The following FOCAD variants were observed in gnomAD, a reference collection of about 807,000 sequenced individuals.
FOCAD encodes the protein focadhesin.
Under a neutral mutation model 225.6 loss-of-function variants are expected in FOCAD, and 198 were observed. The ratio of observed to expected loss-of-function variants is 0.88; its 90% confidence interval spans 0.78 to 0.99. The LOEUF (loss-of-function observed/expected upper bound fraction) is 0.99. Ranked by LOEUF, FOCAD falls within the 50% of genes least tolerant of loss-of-function variation. FOCAD has a pLI of 0.00. For synonymous variants in FOCAD, 897 were observed against 755.0 expected (o/e 1.19, Z -3.08); for missense variants, 2,713 against 2,123.6 (o/e 1.28, Z -5.46).
intron 8 of FOCAD, among the ~76,000 whole-genome samples, chr9:20,773,010 A>G (rs1322840024): frequency 6.6e-6 from 1 of 151,672 alleles, no homozygotes; most frequent in Admixed American, 6.6e-5. Context: ...GATAAATATT[A>G]TACAGAAAGA....
chr9:20,702,321 T>G (rs34088696), intron 1 of FOCAD, among the ~76,000 whole-genome samples: 25,720 of 151,988 alleles, frequency 0.17, 2,658 homozygotes, highest in Non-Finnish European at 0.24. Flanking sequence ...CTAGGTTGAT[T>G]TCGAACCCCT....
intron 5 of FOCAD, among the ~76,000 whole-genome samples, chr9:20,751,628 G>T (rs1474637612): frequency 6.9e-6 from 1 of 144,426 alleles, no homozygotes; most frequent in Non-Finnish European, 1.5e-5. Context: ...ATGTGTGCCT[G>T]TGTCTTTATA....
chr9:20,695,403 A>G (rs1823280404), intron 1 of FOCAD, among the ~76,000 whole-genome samples: 1 of 152,202 alleles, frequency 6.6e-6, no homozygotes, highest in South Asian at 2.1e-4. Flanking sequence ...TCATTCACAA[A>G]TCAAAGTATT....
chr9:20,692,688 A>G (rs1823046476), intron 1 of FOCAD, among the ~76,000 whole-genome samples: 2 of 152,136 alleles, frequency 1.3e-5, no homozygotes, highest in South Asian at 4.1e-4. Context: ...AAACTATCTC[A>G]TGTTTATGTT....
rs1411629753 is a variant in FOCAD at position 20,874,813 on chromosome 9, T to A, written c.2317+6T>A. On this transcript the variant is annotated splice_donor_region_variant and intron_variant, in intron 19 of 43. Coordinates refer to ENST00000338382, the MANE Select transcript of FOCAD (RefSeq NM_001375567.1). ...TCCCCCTTTGGTTTTACCAGGTGAC[T>A]CCTATTTGGTAGTAGAGAAGCTAGC... 1 of 1,613,426 alleles carries A rather than the reference T, an allele frequency of 6.2e-7. No homozygotes were observed. Among genetic ancestry groups the A allele is most frequent in the East Asian group, 2.2e-5 (1 of 44,802 alleles).
In FOCAD at chr9:20,986,266, A is replaced by ATTT. The variant is rs545976303; in HGVS notation, c.4729-7_4729-5dup. 2.0e-3 allele frequency: 1,387 copies of ATTT among 709,184 alleles called. 28 individuals carry two copies. Among genetic ancestry groups the ATTT allele is most frequent in the East Asian group, 3.3e-3 (27 of 8,232 alleles). The allele number at this position is 709,184 out of a possible 1,614,324, so 43.9% of individuals were successfully genotyped here. On this transcript the variant is annotated intron_variant, in intron 39 of 43. Coordinates refer to ENST00000338382, the MANE Select transcript of FOCAD (RefSeq NM_001375567.1). ...CAGTTAATTTAATAGTAACTAAACA[A>ATTT]TTTTTTTTTTTTTTTTTGCAGAGCA...
At chr9:20,974,066 C>T (rs1423176811) in intron 35 of FOCAD, among the ~76,000 whole-genome samples, 1 of 148,380 alleles carries the variant, frequency 6.7e-6, no homozygotes, top group African/African-American at 2.5e-5. Context: ...CTGCTGTTTT[C>T]ACTTTTGCTG....
chr9:20,852,788 C>CT (rs1827800003), intron 15 of FOCAD, among the ~76,000 whole-genome samples: 1 of 151,636 alleles, frequency 6.6e-6, no homozygotes, highest in Non-Finnish European at 1.5e-5. Flanking sequence ...CTCTTTAGCC[C>CT]TTTTTAACAT....
chr9:20,815,123 G>GTGTT lies in FOCAD; in HGVS notation c.1456-4672_1456-4671insGTTT, dbSNP rs1564024181. Among the ~76,000 whole-genome samples the GTGTT allele has an allele frequency of 1.5e-3, 132 of 85,376 alleles. 9 individuals are homozygous for GTGTT. The highest frequency in any genetic ancestry group is 8.5e-3 in the Middle Eastern group (1 of 118). The allele number at this position is 85,376 out of a possible 152,430, so 56.0% of individuals were successfully genotyped here. ...TCTGGAAATATCATTACTTCTCTTT[G>GTGTT]TTTTTTTTTTTTTGTTTTTTTTTTT... On this transcript the variant is annotated intron_variant, in intron 11 of 43. Transcript: ENST00000338382.
intron 21 of FOCAD, among the ~76,000 whole-genome samples, chr9:20,904,992 G>A (rs1832841130): frequency 6.6e-6 from 1 of 151,976 alleles, no homozygotes; most frequent in Non-Finnish European, 1.5e-5. Context: ...AAATGGTCAG[G>A]GAAGTCCTTT....
At chr9:20,907,430 C>G (rs1361430638) in intron 22 of FOCAD, among the ~76,000 whole-genome samples, 188 bp downstream of exon 22, 1 of 151,964 alleles carries the variant, frequency 6.6e-6, no homozygotes, top group African/African-American at 2.4e-5. Flanking sequence ...ATCAATGCCC[C>G]CCAAATCCAT....
intron 5 of FOCAD, 142 bp from the exon 6 acceptor site, chr9:20,757,948 G>T: frequency 4.4e-6 from 2 of 459,394 alleles, no homozygotes; most frequent in Non-Finnish European, 7.8e-6. Context: ...AACAAATGGA[G>T]CAAGTGATCA....
intron 31 of FOCAD, 86 bp downstream of exon 31, chr9:20,948,479 A>C: frequency 7.1e-7 from 1 of 1,412,586 alleles, no homozygotes; most frequent in Non-Finnish European, 9.6e-7. Flanking sequence ...AGTTGCTGAG[A>C]TATATACGTT....
chr9:20,790,513 T>C (rs1011086089), intron 11 of FOCAD, among the ~76,000 whole-genome samples: 1 of 152,250 alleles, frequency 6.6e-6, no homozygotes, highest in Admixed American at 6.5e-5. Context: ...GACTTACGCC[T>C]GTAATCCCAG....
intron 6 of FOCAD, among the ~76,000 whole-genome samples, chr9:20,758,593 C>T (rs1450549592): frequency 6.7e-6 from 1 of 149,152 alleles, no homozygotes; most frequent in Non-Finnish European, 1.5e-5. Flanking sequence ...TCAATTCCCA[C>T]CTATAAGTGA....
chr9:20,755,195 C>T (rs1828938793), intron 5 of FOCAD, among the ~76,000 whole-genome samples: 2 of 152,174 alleles, frequency 1.3e-5, no homozygotes, highest in South Asian at 4.1e-4. Flanking sequence ...TCAGTTCTGA[C>T]ATAATCAATT....
intron 11 of FOCAD, among the ~76,000 whole-genome samples, chr9:20,800,695 C>G (rs1271445034): frequency 6.6e-6 from 1 of 152,152 alleles, no homozygotes; most frequent in Non-Finnish European, 1.5e-5. Flanking sequence ...GTTTTCAGCT[C>G]CATCAGGTCC....
chr9:20,831,373 T>C (rs1281428015), intron 15 of FOCAD, among the ~76,000 whole-genome samples: 2 of 152,038 alleles, frequency 1.3e-5, no homozygotes, highest in African/African-American at 4.8e-5. Context: ...GAGGTAGAGA[T>C]TTCTGTAGGT....
At chr9:20,861,425 T>C (rs2131689175) in intron 15 of FOCAD, among the ~76,000 whole-genome samples, 1 of 152,300 alleles carries the variant, frequency 6.6e-6, no homozygotes, top group East Asian at 1.9e-4. Flanking sequence ...CTGTCATGCC[T>C]GGTCTACAAT....
Sources: gnomAD v4.1 joint callset for allele counts (sites outside exome capture counted in the v4.1 genomes callset) on GRCh38, gnomAD v4.1.1 for gene constraint, MANE v1.5 for transcripts, NCBI Gene and HGNC (gene_info 2026-07-23, HGNC 2026-07-21) for gene names.